Variants in HS3ST5 observed in about 807,000 individuals in gnomAD.
HS3ST5 encodes the protein heparan sulfate-glucosamine 3-sulfotransferase 5.
In HS3ST5, 10 loss-of-function variants were observed where a neutral mutation model predicts 25.4. That is an observed-to-expected ratio of 0.39 (90% CI 0.24 to 0.67). The LOEUF (loss-of-function observed/expected upper bound fraction) is 0.67, where lower values mean the gene tolerates loss of function less well. Ranked by LOEUF, HS3ST5 falls within the 30% of genes least tolerant of loss-of-function variation. The probability of loss-of-function intolerance (pLI) is 0.44; values close to 1 mark genes in which losing one functional copy is unlikely to be tolerated. For synonymous variants in HS3ST5, 170 were observed against 162.4 expected (o/e 1.05, Z -0.36); for missense variants, 324 against 420.7 (o/e 0.77, Z 2.01).
intron 2 of HS3ST5, among the ~76,000 whole-genome samples, chr6:114,175,681 CTT>C (rs951820552): frequency 2.6e-5 from 4 of 152,098 alleles, no homozygotes; most frequent in African/African-American, 9.7e-5. Flanking sequence ...AAATGGAACT[CTT>C]ATTTTAATAA....
chr6:114,197,769 T>G (rs916625895), intron 2 of HS3ST5, among the ~76,000 whole-genome samples: 12 of 152,178 alleles, frequency 7.9e-5, no homozygotes, highest in African/African-American at 2.9e-4. Flanking sequence ...CTTGGGATAA[T>G]GGCCTCCAGC....
At chr6:114,255,482 C>G (rs991461744) in intron 1 of HS3ST5, among the ~76,000 whole-genome samples, 1 of 152,168 alleles carries the variant, frequency 6.6e-6, no homozygotes, top group Non-Finnish European at 1.5e-5. Flanking sequence ...CCTCTTCTCA[C>G]AGCTCCACTA....
chr6:114,224,094 T>G lies in HS3ST5; in HGVS notation c.-145+4491A>C, dbSNP rs577404012. Among the ~76,000 whole-genome samples, 271 of 151,736 alleles carry G rather than the reference T, an allele frequency of 1.8e-3. 4 individuals are homozygous for G. In the South Asian group the frequency reaches 0.023, roughly 13 times the overall value. On this transcript the variant is annotated intron_variant, in intron 2 of 4. Coordinates refer to ENST00000312719, the MANE Select transcript of HS3ST5 (RefSeq NM_153612.4). The stretch of plus-strand genomic sequence containing the variant: ...GGCCCTGAAATTTTATGTTTTCTGA[T>G]ACTAAGATTTTTAATTCCTAATTTC...
chr6:114,270,298 A>C (rs978838832), intron 1 of HS3ST5, among the ~76,000 whole-genome samples: 9 of 152,176 alleles, frequency 5.9e-5, no homozygotes, highest in Non-Finnish European at 2.9e-5. Flanking sequence ...CATTCCATCC[A>C]CACCATTATT....
chr6:114,309,686 T>C (rs1008841930), intron 1 of HS3ST5, among the ~76,000 whole-genome samples: 1 of 152,158 alleles, frequency 6.6e-6, no homozygotes, highest in Non-Finnish European at 1.5e-5. Flanking sequence ...TGAGCCAAGG[T>C]TGCACCACTG....
intron 2 of HS3ST5, among the ~76,000 whole-genome samples, chr6:114,189,780 A>C (rs1360711122): frequency 6.6e-6 from 1 of 152,170 alleles, no homozygotes; most frequent in Non-Finnish European, 1.5e-5. Context: ...TTGTCAAATT[A>C]GATGCCTTCC....
At chr6:114,208,405 G>A (rs917565843) in intron 2 of HS3ST5, among the ~76,000 whole-genome samples, 7 of 152,154 alleles carry the variant, frequency 4.6e-5, no homozygotes, top group Non-Finnish European at 7.3e-5. Flanking sequence ...TGTGGGCACT[G>A]GTCATTCACC....
chr6:114,288,113 GA>G (rs1338719104), intron 1 of HS3ST5, among the ~76,000 whole-genome samples: 1 of 152,052 alleles, frequency 6.6e-6, no homozygotes, highest in Non-Finnish European at 1.5e-5. Flanking sequence ...ATAATACATA[GA>G]ATATACATGC....
chr6:114,161,574 T>TAA (rs1554214781), intron 3 of HS3ST5, among the ~76,000 whole-genome samples: 61 of 102,398 alleles, frequency 6.0e-4, no homozygotes, highest in Non-Finnish European at 9.2e-4. Flanking sequence ...TATATATATA[T>TAA]AAAATGCAAT....
chr6:114,263,961 A>T (rs1437318859), intron 1 of HS3ST5, among the ~76,000 whole-genome samples: 2 of 152,122 alleles, frequency 1.3e-5, no homozygotes, highest in African/African-American at 4.8e-5. Flanking sequence ...AGCATAAAGA[A>T]CATAAAGAGT....
chr6:114,136,252 A>G (rs1562210976), intron 3 of HS3ST5, among the ~76,000 whole-genome samples: 1 of 152,178 alleles, frequency 6.6e-6, no homozygotes, highest in Non-Finnish European at 1.5e-5. Context: ...ACCCAGTGGG[A>G]GTAATTAAAT....
At chr6:114,114,496 C>A (rs1310090621) in intron 3 of HS3ST5, among the ~76,000 whole-genome samples, 1 of 152,120 alleles carries the variant, frequency 6.6e-6, no homozygotes, top group Non-Finnish European at 1.5e-5. Flanking sequence ...ATTATGTGAT[C>A]TCTTACAGCA....
At chr6:114,322,232 G>A (rs1001564994) in intron 1 of HS3ST5, among the ~76,000 whole-genome samples, 6 of 152,080 alleles carry the variant, frequency 3.9e-5, no homozygotes, top group African/African-American at 9.7e-5. Flanking sequence ...AATATAATGC[G>A]TCTTTCAGAA....
chr6:114,078,529 A>G (rs1774269223), intron 3 of HS3ST5, among the ~76,000 whole-genome samples: 2 of 152,176 alleles, frequency 1.3e-5, no homozygotes, highest in South Asian at 4.2e-4. Context: ...ATCCATTTGT[A>G]TAGTGCTTTT....
intron 1 of HS3ST5, among the ~76,000 whole-genome samples, chr6:114,300,992 A>G (rs1273256657): frequency 6.6e-6 from 1 of 152,186 alleles, no homozygotes; most frequent in African/African-American, 2.4e-5. Flanking sequence ...GCCTAGAGCT[A>G]GTACGTTGGA....
At chr6:114,087,231 TATTTATTGTTGCCCAGACATGCC>T (rs1774886129) in intron 3 of HS3ST5, among the ~76,000 whole-genome samples, 1 of 152,232 alleles carries the variant, frequency 6.6e-6, no homozygotes. Flanking sequence ...ATTTGGAAGA[TATTTATTGTTGCCCAGACATGCC>T]AGGTACTTTC....
intron 3 of HS3ST5, among the ~76,000 whole-genome samples, chr6:114,074,195 A>G: frequency 6.6e-6 from 1 of 152,004 alleles, no homozygotes. Flanking sequence ...CCTAGTGTAA[A>G]TGATGATTTG....
intron 3 of HS3ST5, among the ~76,000 whole-genome samples, chr6:114,119,816 T>C (rs1418426154): frequency 6.6e-6 from 1 of 152,138 alleles, no homozygotes. Flanking sequence ...GTCAAAATGT[T>C]GGGGTTCAAA....
chr6:114,173,105 A>G (rs1779545469), intron 2 of HS3ST5, among the ~76,000 whole-genome samples: 1 of 152,208 alleles, frequency 6.6e-6, no homozygotes, highest in Admixed American at 6.5e-5. Context: ...ACATTCTTCC[A>G]TGAAAGCCTT....
Sources: allele counts gnomAD v4.1 joint callset (sites outside exome capture counted in the v4.1 genomes callset), GRCh38; gene constraint gnomAD v4.1.1; transcripts MANE v1.5; gene names NCBI Gene and HGNC (gene_info 2026-07-23, HGNC 2026-07-21).